Variants in ZC3H14 observed in about 807,000 individuals in gnomAD.
The protein encoded by ZC3H14 is zinc finger CCCH domain-containing protein 14.
A neutral mutation model predicts 92.4 loss-of-function variants in ZC3H14; 31 were observed. The ratio of observed to expected loss-of-function variants is 0.34; its 90% CI spans 0.25 to 0.45. The LOEUF is 0.45. Ranked by LOEUF, ZC3H14 falls within the 20% of genes least tolerant of loss-of-function variation. The pLI is 1.00. For missense variants in ZC3H14, 781 were observed against 897.3 expected (o/e 0.87, Z 1.66); for synonymous variants, 321 against 300.9 (o/e 1.07, Z -0.69).
At chr14:88,578,172 TAC>T (rs2081407631) in intron 9 of ZC3H14, 32 bp downstream of exon 9, 1 of 1,611,068 alleles carries the variant, frequency 6.2e-7, no homozygotes, top group Non-Finnish European at 8.5e-7. Flanking sequence ...CACTCTTTAC[TAC>T]AGTTTTTTCA....
chr14:88,573,055 C>A (rs201404411), intron 6 of ZC3H14, 48 bp downstream of exon 6: 3 of 1,591,374 alleles, frequency 1.9e-6, no homozygotes, highest in Non-Finnish European at 2.6e-6. Flanking sequence ...ATCGGCAGTT[C>A]TTGATACCAA....
Position 88,624,972 on chromosome 14 carries a change from C to T in ZC3H14, c.*13221C>T. 6.2e-7 allele frequency: 1 copy of T among 1,613,206 alleles called. No homozygotes were observed. The highest frequency in any genetic ancestry group is 1.1e-5 in the South Asian group (1 of 90,886). On this transcript the variant is annotated 3_prime_UTR_variant, in exon 17 of 17. Coordinates refer to ENST00000251038, the MANE Select transcript of ZC3H14 (RefSeq NM_024824.5). ...CTGTGAAAAGAAAGAGGACTCACGGCCTTTCCTTTCCCCCAGTCACGATAA... is the reference window on the plus strand; with the variant it reads ...CTGTGAAAAGAAAGAGGACTCACGGTCTTTCCTTTCCCCCAGTCACGATAA...
chr14:88,577,591 A>G lies in ZC3H14; in HGVS notation c.1124-394A>G, dbSNP rs192511061. 4.2e-3 allele frequency among the ~76,000 whole-genome samples: 643 copies of G among 151,696 alleles called. 3 individuals are homozygous for G. Among genetic ancestry groups the G allele is most frequent in the African/African-American group, 0.015 (625 of 41,356 alleles). On this transcript the variant is annotated intron_variant, in intron 8 of 16. Transcript: ENST00000251038. ...TTCTTTTTCTTTTTTTTTTGGAGAC[A>G]GAGTCTCACTCTGTTGCCCAGGCTG...
rs560098520 is a variant in ZC3H14, at chr14:88,610,138, C to T, written c.2097+335C>T. 3.9e-5 allele frequency among the ~76,000 whole-genome samples: 6 copies of T among 152,204 alleles called. No homozygotes were observed. The South Asian group carries it at 8.3e-4, about 21-fold the overall frequency. On this transcript the variant is annotated intron_variant, in intron 15 of 16. Coordinates refer to ENST00000251038, the MANE Select transcript of ZC3H14 (RefSeq NM_024824.5). ...AATGTCAGAACTGAGATGAAGAAAT[C>T]CAGTAGGTACTGCTTAAAACCATCC...
At chr14:88,573,930 T>C (rs2080824713) in intron 6 of ZC3H14, among the ~76,000 whole-genome samples, 1 of 152,202 alleles carries the variant, frequency 6.6e-6, no homozygotes. Context: ...AGTTTATTTT[T>C]AAATTGTTTT....
rs576343934 is a variant in ZC3H14 at position 88,602,146 on chromosome 14, C to T, written c.1514+63C>T. 16 of 1,606,124 alleles carry T rather than the reference C, an allele frequency of 1.0e-5. No individual in the cohort carries two copies. In the Admixed American group the frequency reaches 1.7e-4, roughly 17 times the overall value. ...GATTAGATAGTAAAGGTTAACCATT[C>T]GTTTGCAGCTTCCCTCCTCCCCGCC... On this transcript the variant is annotated intron_variant, in intron 11 of 16. Transcript: ENST00000251038.
intron 6 of ZC3H14, chr14:88,573,707 C>T (rs946818082): frequency 1.3e-5 from 2 of 152,186 alleles, no homozygotes; most frequent in African/African-American, 4.8e-5. Flanking sequence ...CCTGTGCTTC[C>T]CAGGTTCAAG....
Position 88,572,802 on chromosome 14 carries a change from C to A in ZC3H14, c.656C>A (p.Ala219Glu). 6.2e-7 allele frequency: 1 copy of A among 1,614,178 alleles called. No individual in the cohort carries two copies. Among genetic ancestry groups the A allele is most frequent in the South Asian group, 1.1e-5 (1 of 91,082 alleles). ...RPSIEIYRPPASRNADSGVHL... is the reference protein window; with the variant it reads ...RPSIEIYRPPESRNADSGVHL... ...TCTATTGAAATTTATCGACCACCTG[C>A]AAGTAGAAATGCAGATAGTGGTGTT... Residue 219 changes from alanine (A) to glutamate (E), a missense_variant, in exon 6 of 17, where the codon GCA becomes GAA. Transcript: ENST00000251038.
rs908764875 is a variant in ZC3H14 at position 88,625,924 on chromosome 14, G to T, written c.*14173G>T. On this transcript the variant is annotated 3_prime_UTR_variant, in exon 17 of 17. Transcript: ENST00000251038. ...GGATTTATACAGCCTAGCCAATGCA[G>T]GATATTAAAGGAAAGAGATGTGGAT... 2.0e-5 allele frequency: 3 copies of T among 152,148 alleles called. No individual in the cohort carries two copies. The highest frequency in any genetic ancestry group is 4.4e-5 in the Non-Finnish European group (3 of 68,024). 9.4% of individuals were successfully genotyped at this position (152,148 alleles called of 1,614,324 possible). A position where few individuals can be genotyped will look rare whatever the true frequency, so the allele number is the denominator to read the frequency against.
intron 2 of ZC3H14, 29 bp downstream of exon 2, chr14:88,563,722 C>A: frequency 6.2e-7 from 1 of 1,604,836 alleles, no homozygotes; most frequent in Non-Finnish European, 8.5e-7. Context: ...GTTAGTCTTA[C>A]AGAATTTAGA....
intron 2 of ZC3H14, among the ~76,000 whole-genome samples, chr14:88,566,008 C>T (rs767782221): frequency 1.1e-3 from 124 of 109,966 alleles, no homozygotes; most frequent in South Asian, 5.3e-3. Context: ...GCTGGGATTA[C>T]AGGCACCTGC....
chr14:88,572,964 A>G lies in ZC3H14; in HGVS notation c.818A>G (p.Tyr273Cys), dbSNP rs116690538. Residue 273 changes from tyrosine (Y) to cysteine (C), a missense_variant, in exon 6 of 17, where the codon TAT becomes TGT. Tyr to Cys is a radical substitution (Grantham distance 194). Around this residue, in one of 3 missense-constraint regions of ZC3H14, gnomAD observed 454 missense variants for 438.5 expected, o/e 1.04. Coordinates refer to ENST00000251038, the MANE Select transcript of ZC3H14 (RefSeq NM_024824.5). ...GTGCTTAACAGCTTAGAAGAAACGT[A>G]TAGTCCGTTCTTTAGAAACAACTCG... is the stretch of plus-strand genomic sequence containing the variant. ...PEVLNSLEET[Y>C]SPFFRNNSEK... 233 of 1,614,178 alleles carry G rather than the reference A, an allele frequency of 1.4e-4. No individual in the cohort carries two copies. The African/African-American group carries it at 2.8e-3, about 19-fold the overall frequency.
At chr14:88,587,326 G>C (rs1199549586) in intron 9 of ZC3H14, among the ~76,000 whole-genome samples, 1 of 151,756 alleles carries the variant, frequency 6.6e-6, no homozygotes, top group Non-Finnish European at 1.5e-5. Context: ...GCCACACCTG[G>C]AATTTTTAAT....
intron 8 of ZC3H14, 37 bp downstream of exon 8, chr14:88,575,977 A>G: frequency 1.3e-6 from 2 of 1,515,384 alleles, no homozygotes; most frequent in Non-Finnish European, 1.8e-6. Context: ...TTGGTAAGAC[A>G]TTTCTGTAAT....
At chr14:88,570,411 A>G (rs2080236374) in intron 3 of ZC3H14, among the ~76,000 whole-genome samples, 1 of 152,250 alleles carries the variant, frequency 6.6e-6, no homozygotes. Context: ...GCAAGATTAC[A>G]GCCTTACAGC....
chr14:88,627,509 C>T lies in ZC3H14; in HGVS notation c.*15758C>T. The T allele has an allele frequency of 1.3e-6, 1 of 775,450 alleles. No individual in the cohort carries two copies. Among genetic ancestry groups the T allele is most frequent in the South Asian group, 2.0e-5 (1 of 49,482 alleles). The allele number at this position is 775,450 out of a possible 1,614,324, so 48.0% of individuals were successfully genotyped here. ...AAAGTGAAATATACCTACAGTACCA[C>T]TGTGTACAGTATATTGCATAGGCCT... On this transcript the variant is annotated 3_prime_UTR_variant, in exon 17 of 17. Transcript: ENST00000251038.
chr14:88,610,110 C>T lies in ZC3H14; in HGVS notation c.2097+307C>T, dbSNP rs77109538. Among the ~76,000 whole-genome samples the T allele has an allele frequency of 6.3e-3, 958 of 152,164 alleles. 6 individuals are homozygous for T. Among genetic ancestry groups the T allele is most frequent in the Admixed American group, 0.011 (174 of 15,290 alleles). On this transcript the variant is annotated intron_variant, in intron 15 of 16. Coordinates refer to ENST00000251038, the MANE Select transcript of ZC3H14 (RefSeq NM_024824.5). ...AGCGGGGGCTGGGGGGCAGTTTGAA[C>T]CTAATGTCAGAACTGAGATGAAGAA... is the stretch of plus-strand genomic sequence containing the variant.
intron 9 of ZC3H14, among the ~76,000 whole-genome samples, 177 bp downstream of exon 9, chr14:88,578,317 T>G (rs910791873): frequency 2.0e-5 from 3 of 152,172 alleles, no homozygotes; most frequent in Admixed American, 1.3e-4. Context: ...AAAAAATTTT[T>G]TTTTTAAAGA....
Position 88,623,535 on chromosome 14 carries a change from T to G in ZC3H14, c.*11784T>G, listed in dbSNP as rs1480392966. The G allele has an allele frequency of 6.6e-6, 1 of 151,956 alleles. No individual in the cohort carries two copies. The highest frequency in any genetic ancestry group is 1.5e-5 in the Non-Finnish European group (1 of 68,054). The allele number at this position is 151,956 out of a possible 1,614,324, so 9.4% of individuals were successfully genotyped here. A position where few individuals can be genotyped will look rare whatever the true frequency, so the allele number is the denominator to read the frequency against. ...TCCCAGGTTCAAGCGATTCTTCTCC[T>G]TCAGCCTCCCAAGTAGCTGGGATTA... is the stretch of plus-strand genomic sequence containing the variant. On this transcript the variant is annotated 3_prime_UTR_variant, in exon 17 of 17. Transcript: ENST00000251038.
Sources: allele counts gnomAD v4.1 joint callset (sites outside exome capture counted in the v4.1 genomes callset), GRCh38; gene constraint gnomAD v4.1.1; regional missense constraint gnomAD v4.1.1; transcripts MANE v1.5; gene names NCBI Gene and HGNC (gene_info 2026-07-23, HGNC 2026-07-21).